LARGE1: variants seen among roughly 807,000 people sequenced by gnomAD.
LARGE1 encodes the protein LARGE xylosyl- and glucuronyltransferase 1.
Under a neutral mutation model 87.6 loss-of-function variants are expected in LARGE1, and 43 were observed. The observed-to-expected ratio is 0.49, with a 90% CI of 0.38 to 0.63. The LOEUF (loss-of-function observed/expected upper bound fraction) is 0.63, where lower values mean the gene tolerates loss of function less well. Among genes scored for constraint, LARGE1 ranks in the 30% least tolerant of loss-of-function variants. LARGE1 has a pLI of 0.00. For synonymous variants in LARGE1, 434 were observed against 394.6 expected (o/e 1.10, Z -1.18); for missense variants, 802 against 1,000.2 (o/e 0.80, Z 2.67).
At chr22:33,584,666 T>C (rs1003003126) in intron 5 of LARGE1, among the ~76,000 whole-genome samples, 18 of 146,108 alleles carry the variant, frequency 1.2e-4, no homozygotes, top group Admixed American at 2.0e-4. Flanking sequence ...CTGGTTTCCC[T>C]GTGCTACTGA....
At chr22:33,841,779 G>A (rs113637040) in intron 1 of LARGE1, among the ~76,000 whole-genome samples, 2,505 of 152,270 alleles carry the variant, frequency 0.016, 66 homozygotes, top group African/African-American at 0.058. Flanking sequence ...ACTAAGCAGG[G>A]TGAATAAATA....
chr22:33,342,273 T>C (rs1471700582), intron 9 of LARGE1, among the ~76,000 whole-genome samples: 1 of 152,140 alleles, frequency 6.6e-6, no homozygotes, highest in African/African-American at 2.4e-5. Flanking sequence ...ACTGAGGAAA[T>C]GTTAAGCTTC....
At chr22:33,563,526 T>C (rs1436665798) in intron 6 of LARGE1, among the ~76,000 whole-genome samples, 3 of 152,308 alleles carry the variant, frequency 2.0e-5, no homozygotes, top group African/African-American at 7.2e-5. Flanking sequence ...GTGAGTTCAC[T>C]GTGATCAGGA....
At chr22:33,829,000 C>CTT (rs1362969628) in intron 1 of LARGE1, among the ~76,000 whole-genome samples, 8 of 106,234 alleles carry the variant, frequency 7.5e-5, no homozygotes, top group Admixed American at 1.2e-4. Flanking sequence ...TGTGAAGTCT[C>CTT]TTTTTCTTTT....
the LARGE1 span, among the ~76,000 whole-genome samples, chr22:33,142,173 G>C: frequency 6.6e-6 from 1 of 152,310 alleles, no homozygotes; most frequent in Admixed American, 6.5e-5. Context: ...GTTCAGCTCT[G>C]TCTGCCTTTA....
chr22:33,100,840 A>ATTT, the LARGE1 span, among the ~76,000 whole-genome samples: 2 of 137,272 alleles, frequency 1.5e-5, no homozygotes, highest in Non-Finnish European at 1.6e-5. Context: ...ATTAACTTCT[A>ATTT]TTTTTTTTTT....
chr22:33,732,586 C>T (rs1161249476), intron 2 of LARGE1: 1 of 152,312 alleles, frequency 6.6e-6, no homozygotes, highest in African/African-American at 2.4e-5. Flanking sequence ...GAGTCACTGA[C>T]ACATGCACAG....
At chr22:33,459,610 A>G (rs550326349) in intron 6 of LARGE1, among the ~76,000 whole-genome samples, 31 of 152,112 alleles carry the variant, frequency 2.0e-4, no homozygotes, top group African/African-American at 6.7e-4. Flanking sequence ...CATACCCCCA[A>G]TAGCACCCAA....
chr22:33,305,623 C>A, intron 11 of LARGE1: 2 of 984,808 alleles, frequency 2.0e-6, no homozygotes, highest in Non-Finnish European at 2.4e-6. Flanking sequence ...CATTTCCATG[C>A]TTCTAAACAA....
At chr22:33,588,516 T>C (rs2078744728) in intron 5 of LARGE1, among the ~76,000 whole-genome samples, 2 of 150,586 alleles carry the variant, frequency 1.3e-5, no homozygotes, top group Admixed American at 6.6e-5. Context: ...TGTGCGTGTG[T>C]GTGTGTGTGT....
At chr22:33,531,661 T>C (rs2072209263) in intron 6 of LARGE1, among the ~76,000 whole-genome samples, 1 of 152,220 alleles carries the variant, frequency 6.6e-6, no homozygotes, top group Admixed American at 6.5e-5. Flanking sequence ...AAGACAAAGA[T>C]CCTGATGAAC....
At chr22:33,081,503 T>C in the LARGE1 span, among the ~76,000 whole-genome samples, 5 of 151,822 alleles carry the variant, frequency 3.3e-5, no homozygotes, top group Non-Finnish European at 5.9e-5. Flanking sequence ...TGGAATACAG[T>C]GATGAGGAAG....
intron 12 of LARGE1, among the ~76,000 whole-genome samples, chr22:33,287,159 T>C (rs1048720589): frequency 6.6e-6 from 1 of 152,210 alleles, no homozygotes; most frequent in Admixed American, 6.5e-5. Flanking sequence ...AAGTCCTAGT[T>C]TGATTCTATA....
chr22:33,770,129 G>T (rs1178309330), intron 1 of LARGE1, among the ~76,000 whole-genome samples: 2 of 152,198 alleles, frequency 1.3e-5, no homozygotes, highest in African/African-American at 4.8e-5. Flanking sequence ...AAGGTAGAAT[G>T]TCATAGATAT....
At chr22:33,292,884 T>A (rs1932791807) in intron 12 of LARGE1, among the ~76,000 whole-genome samples, 1 of 152,194 alleles carries the variant, frequency 6.6e-6, no homozygotes, top group South Asian at 2.1e-4. Context: ...TGTTTCCTTA[T>A]CTTGATAATA....
chr22:33,283,231 C>A lies in LARGE1; in HGVS notation c.1848G>T (p.Met616Ile). 1.2e-6 allele frequency: 2 copies of A among 1,614,194 alleles called. No individual in the cohort carries two copies. The highest frequency in any genetic ancestry group is 1.7e-6 in the Non-Finnish European group (2 of 1,180,042). The change falls in exon 13 of 15, where the codon ATG becomes ATT. Residue 616 changes from methionine (M) to isoleucine (I), a missense_variant. By Grantham distance (10) the Met-to-Ile change is conservative (BLOSUM62 1). Around this residue, in one of 2 missense-constraint regions of LARGE1, gnomAD observed 625 missense variants for 841.9 expected, o/e 0.74. Coordinates refer to ENST00000397394, the MANE Select transcript of LARGE1 (RefSeq NM_133642.5). ...ATGTGAAGAGGGTCCCCATGTCCAG[C>A]ATTGACAGCAACTCCGCTTTTGACT... Reference protein sequence around the residue: ...FPKSKAELLSMLDMGTLFTFR... With the variant: ...FPKSKAELLSILDMGTLFTFR...
chr22:33,070,894 C>T, the LARGE1 span, among the ~76,000 whole-genome samples: 1 of 152,106 alleles, frequency 6.6e-6, no homozygotes, highest in Non-Finnish European at 1.5e-5. Context: ...AGTGCAACAA[C>T]AGAACAGGAG....
At chr22:33,883,330 C>T (rs2064752225) in intron 1 of LARGE1, among the ~76,000 whole-genome samples, 1 of 152,138 alleles carries the variant, frequency 6.6e-6, no homozygotes, top group Admixed American at 6.5e-5. Context: ...GACAAAGTAA[C>T]TCAACCAGGG....
At chr22:33,089,325 TTCTTC>T in the LARGE1 span, among the ~76,000 whole-genome samples, 138 of 88,110 alleles carry the variant, frequency 1.6e-3, no homozygotes, top group African/African-American at 3.4e-3. Context: ...TTCTTCTTTC[TTCTTC>T]TTCTTCTTCT....
Sources: allele counts gnomAD v4.1 joint callset (sites outside exome capture counted in the v4.1 genomes callset), GRCh38; gene constraint gnomAD v4.1.1; regional missense constraint gnomAD v4.1.1; transcripts MANE v1.5; gene names NCBI Gene and HGNC (gene_info 2026-07-23, HGNC 2026-07-21).